Variants in PAPPA observed in about 807,000 individuals in gnomAD.
PAPPA encodes pappalysin-1.
Under a neutral mutation model 164.0 loss-of-function variants are expected in PAPPA, and 60 were observed. The observed-to-expected ratio is 0.37, with a 90% CI of 0.30 to 0.45. The LOEUF (loss-of-function observed/expected upper bound fraction) is 0.45, where lower values mean the gene tolerates loss of function less well. Ranked by LOEUF, PAPPA falls within the 20% of genes least tolerant of loss-of-function variation. The pLI is 1.00. For missense variants in PAPPA, 1,782 were observed against 2,087.3 expected, an observed-to-expected ratio of 0.85 and a Z score of 2.85; for synonymous variants, 875 against 814.1, an observed-to-expected ratio of 1.07 and a Z score of -1.27.
chr9:116,288,614 A>G, intron 9 of PAPPA: 1 of 152,228 alleles, frequency 6.6e-6, no homozygotes, highest in Admixed American at 6.5e-5. Flanking sequence ...AAGTTATTAT[A>G]GTATTTTTAT....
rs762912241 is a variant in PAPPA, at chr9:116,280,458, AG to A, written c.2953+9043del. Among the ~76,000 whole-genome samples the A allele has an allele frequency of 9.7e-4, 148 of 152,180 alleles. 3 individuals are homozygous for A. The highest frequency in any genetic ancestry group is 3.5e-4 in the Non-Finnish European group (24 of 68,030). ...AGGTAACTGAGCAAGGATTGCAAGA[AG>A]TTAAGACTATTCAATTCCCAAGGCA... On this transcript the variant is annotated intron_variant, in intron 9 of 21. Coordinates refer to ENST00000328252, the MANE Select transcript of PAPPA (RefSeq NM_002581.5).
intron 7 of PAPPA, among the ~76,000 whole-genome samples, chr9:116,243,994 G>C (rs939428822): frequency 1.3e-5 from 2 of 152,148 alleles, no homozygotes; most frequent in Non-Finnish European, 2.9e-5. Flanking sequence ...GCTCAGGCCA[G>C]GGGAGCACAT....
intron 21 of PAPPA, among the ~76,000 whole-genome samples, chr9:116,393,492 C>T (rs1846921070): frequency 6.6e-6 from 1 of 152,088 alleles, no homozygotes; most frequent in Non-Finnish European, 1.5e-5. Context: ...AGTCATGGTC[C>T]CTGCCCAGAG....
rs775896212 is a variant in PAPPA, at chr9:116,400,950, T to C, written c.*4334T>C. On this transcript the variant is annotated 3_prime_UTR_variant, in exon 22 of 22. Coordinates refer to ENST00000328252, the MANE Select transcript of PAPPA (RefSeq NM_002581.5). ...ATAATACTATATACCTACCTCACAG[T>C]GGGAGGGCAGGAGATTTTGAGGCCC... is the stretch of plus-strand genomic sequence containing the variant. 2.6e-5 allele frequency: 4 copies of C among 152,550 alleles called. No individual in the cohort carries two copies. Among genetic ancestry groups the C allele is most frequent in the Admixed American group, 6.6e-5 (1 of 15,266 alleles). 9.4% of individuals were successfully genotyped at this position (152,550 alleles called of 1,614,324 possible).
At chr9:116,303,037 T>C in intron 10 of PAPPA, 87 bp downstream of exon 10, 1 of 1,067,102 alleles carries the variant, frequency 9.4e-7, no homozygotes, top group Non-Finnish European at 1.4e-6. Flanking sequence ...TAAGGCAGTG[T>C]CATTGGCTAT....
chr9:116,398,848 T>C lies in PAPPA; in HGVS notation c.*2232T>C, dbSNP rs1294928344. Reference sequence around the variant, plus strand: ...ACAAATTATTAGCAAGAAATAAGAATAGTATTAGAAGAATTGATCCTATTT... The same window carrying C: ...ACAAATTATTAGCAAGAAATAAGAACAGTATTAGAAGAATTGATCCTATTT... On this transcript the variant is annotated 3_prime_UTR_variant, in exon 22 of 22. Coordinates refer to ENST00000328252, the MANE Select transcript of PAPPA (RefSeq NM_002581.5). The C allele has an allele frequency of 1.3e-5, 5 of 373,168 alleles. No homozygotes were observed. The highest frequency in any genetic ancestry group is 7.3e-5 in the East Asian group (1 of 13,786). 23.1% of individuals were successfully genotyped at this position (373,168 alleles called of 1,614,324 possible).
chr9:116,377,819 T>C (rs1374623913), intron 20 of PAPPA, among the ~76,000 whole-genome samples, 172 bp downstream of exon 20: 4 of 152,188 alleles, frequency 2.6e-5, no homozygotes, highest in East Asian at 3.8e-4. Context: ...GATGATGGAA[T>C]TGAGGCACAG....
At chr9:116,374,509 G>A (rs936844854) in intron 19 of PAPPA, among the ~76,000 whole-genome samples, 1 of 152,144 alleles carries the variant, frequency 6.6e-6, no homozygotes, top group African/African-American at 2.4e-5. Flanking sequence ...GACAGGTGGG[G>A]CGTGCAGCCC....
chr9:116,225,316 T>C (rs1040035895), intron 5 of PAPPA, among the ~76,000 whole-genome samples: 1 of 152,328 alleles, frequency 6.6e-6, no homozygotes, highest in Non-Finnish European at 1.5e-5. Flanking sequence ...CTTTTCTGCA[T>C]TTGAGTATAT....
chr9:116,171,018 G>A (rs1843770246), intron 1 of PAPPA, among the ~76,000 whole-genome samples: 1 of 152,148 alleles, frequency 6.6e-6, no homozygotes, highest in African/African-American at 2.4e-5. Flanking sequence ...AAATATTCCT[G>A]GTAGTGCTCT....
intron 17 of PAPPA, 135 bp from the exon 18 acceptor site, chr9:116,362,457 C>A: frequency 2.3e-6 from 2 of 887,404 alleles, no homozygotes; most frequent in Non-Finnish European, 3.3e-6. Context: ...GAGTTTCAAC[C>A]ATTGTTAAGA....
chr9:116,203,212 A>C (rs900586194), intron 2 of PAPPA, among the ~76,000 whole-genome samples: 3 of 152,256 alleles, frequency 2.0e-5, no homozygotes, highest in Non-Finnish European at 4.4e-5. Context: ...AGTGACATGT[A>C]CACAGGTTAG....
intron 1 of PAPPA, among the ~76,000 whole-genome samples, chr9:116,165,846 C>T (rs373510169): frequency 2.0e-5 from 3 of 152,174 alleles, no homozygotes; most frequent in East Asian, 3.8e-4. Context: ...CAAAGTGTAA[C>T]TTGTTCCCTA....
chr9:116,182,880 A>C (rs1843923726), intron 1 of PAPPA, among the ~76,000 whole-genome samples: 1 of 152,154 alleles, frequency 6.6e-6, no homozygotes, highest in South Asian at 2.1e-4. Context: ...GCTGCACCTC[A>C]ACCTCTCCCT....
At chr9:116,185,335 C>T (rs963501932) in intron 1 of PAPPA, among the ~76,000 whole-genome samples, 3 of 150,450 alleles carry the variant, frequency 2.0e-5, no homozygotes, top group African/African-American at 7.4e-5. Flanking sequence ...TGTAGATTGG[C>T]ATAGATGCTG....
chr9:116,334,298 G>T (rs1258791223), intron 12 of PAPPA, among the ~76,000 whole-genome samples: 1 of 146,190 alleles, frequency 6.8e-6, no homozygotes, highest in Non-Finnish European at 1.5e-5. Context: ...ATTCTCCCTA[G>T]AGTTTTAGCC....
chr9:116,294,536 T>C (rs1845477387), intron 9 of PAPPA, among the ~76,000 whole-genome samples: 2 of 152,322 alleles, frequency 1.3e-5, no homozygotes, highest in South Asian at 4.1e-4. Flanking sequence ...AGTCAAGATA[T>C]TTCTGTCCCA....
intron 7 of PAPPA, among the ~76,000 whole-genome samples, chr9:116,243,092 T>C (rs955151270): frequency 6.6e-6 from 1 of 152,232 alleles, no homozygotes; most frequent in Non-Finnish European, 1.5e-5. Flanking sequence ...CCATTAATGT[T>C]ATCAGAATCC....
chr9:116,198,481 T>C (rs1310173161), intron 2 of PAPPA, among the ~76,000 whole-genome samples: 1 of 152,238 alleles, frequency 6.6e-6, no homozygotes, highest in African/African-American at 2.4e-5. Context: ...GTGCTAGAAG[T>C]ACAACATTGA....
Sources: allele counts gnomAD v4.1 joint callset (sites outside exome capture counted in the v4.1 genomes callset), GRCh38; gene constraint gnomAD v4.1.1; transcripts MANE v1.5; gene names NCBI Gene and HGNC (gene_info 2026-07-23, HGNC 2026-07-21).